The following CDH13 variants were observed in gnomAD, a reference collection of about 807,000 sequenced individuals.
CDH13 encodes the protein cadherin 13, also known as cadherin-13.
A neutral mutation model predicts 63.8 loss-of-function variants in CDH13; 24 were observed. The ratio of observed to expected loss-of-function variants is 0.38; its 90% CI spans 0.27 to 0.53. The LOEUF is 0.53. Ranked by LOEUF, CDH13 falls within the 20% of genes least tolerant of loss-of-function variation. CDH13 has a pLI of 0.85. For synonymous variants in CDH13, 503 were observed against 355.3 expected, an observed-to-expected ratio of 1.42 and a Z score of -4.67; for missense variants, 1,049 against 903.1, an observed-to-expected ratio of 1.16 and a Z score of -2.07.
chr16:83,174,228 T>C (rs547330695), intron 4 of CDH13, among the ~76,000 whole-genome samples: 1 of 152,044 alleles, frequency 6.6e-6, no homozygotes, highest in African/African-American at 2.4e-5. Context: ...ATTGAACATA[T>C]CTTGAACCCT....
intron 5 of CDH13, among the ~76,000 whole-genome samples, chr16:83,314,770 A>G (rs2090072464): frequency 6.6e-6 from 1 of 152,184 alleles, no homozygotes; most frequent in Non-Finnish European, 1.5e-5. Context: ...TTACATGTTG[A>G]CTTTACATTC....
At chr16:83,169,913 C>T (rs1431464863) in intron 4 of CDH13, among the ~76,000 whole-genome samples, 1 of 152,090 alleles carries the variant, frequency 6.6e-6, no homozygotes, top group African/African-American at 2.4e-5. Flanking sequence ...GCTTCATATT[C>T]ACATCTGATT....
chr16:83,460,411 GCA>G (rs533413300), intron 6 of CDH13, among the ~76,000 whole-genome samples: 4 of 152,288 alleles, frequency 2.6e-5, no homozygotes, highest in Admixed American at 2.6e-4. Context: ...ATGCCCCTGG[GCA>G]CAGAGACAAG....
intron 6 of CDH13, among the ~76,000 whole-genome samples, chr16:83,413,615 A>T (rs1456983612): frequency 6.6e-6 from 1 of 152,186 alleles, no homozygotes; most frequent in Non-Finnish European, 1.5e-5. Context: ...ATAGTGTCCT[A>T]ATCATGCAGC....
chr16:82,748,950 G>C (rs1402413628), intron 1 of CDH13, among the ~76,000 whole-genome samples: 4 of 152,182 alleles, frequency 2.6e-5, no homozygotes, highest in African/African-American at 9.7e-5. Context: ...CTCAGCGATT[G>C]ATCTAGACAC....
chr16:82,694,702 T>G (rs1001622849), intron 1 of CDH13, among the ~76,000 whole-genome samples: 18 of 152,310 alleles, frequency 1.2e-4, no homozygotes, highest in African/African-American at 3.6e-4. Context: ...AAGGACCTAC[T>G]GAATGAATGA....
chr16:83,629,680 C>T (rs1256650835), intron 8 of CDH13, among the ~76,000 whole-genome samples: 1 of 152,178 alleles, frequency 6.6e-6, no homozygotes. Context: ...GGGACATAAA[C>T]GAGAAGTCTA....
chr16:82,676,865 C>G (rs1347044103), intron 1 of CDH13, among the ~76,000 whole-genome samples: 1 of 103,366 alleles, frequency 9.7e-6, no homozygotes, highest in Non-Finnish European at 2.3e-5. Flanking sequence ...TTTTGGGTTT[C>G]TTTGTTTTTT....
intron 3 of CDH13, among the ~76,000 whole-genome samples, chr16:83,095,614 G>A (rs11647458): frequency 0.49 from 74,303 of 152,034 alleles, 18,428 homozygotes; most frequent in East Asian, 0.7. Flanking sequence ...AGAACACCTC[G>A]CCAAAATCCT....
rs375937899 is a variant in CDH13 at position 82,878,093 on chromosome 16, G to T, written c.157+19620G>T. Among the ~76,000 whole-genome samples, 7 of 152,178 alleles carry T rather than the reference G, an allele frequency of 4.6e-5. No homozygotes were observed. In the South Asian group the frequency reaches 1.5e-3, roughly 32 times the overall value. ...AATGTCTTCCCATATCATAATGGCT[G>T]TGGAATCAGCCTCAGAAGCCAGATT... On this transcript the variant is annotated intron_variant, in intron 2 of 13. Transcript: ENST00000567109.
intron 10 of CDH13, among the ~76,000 whole-genome samples, chr16:83,717,400 TCTGTCTGAA>T (rs575166557): frequency 1.9e-3 from 283 of 152,354 alleles, no homozygotes; most frequent in African/African-American, 6.5e-3. Context: ...CTGAACTGAA[TCTGTCTGAA>T]CTGCCTGGTT....
At chr16:83,782,827 C>T (rs1044416560) in intron 12 of CDH13, among the ~76,000 whole-genome samples, 2 of 151,934 alleles carry the variant, frequency 1.3e-5, no homozygotes, top group African/African-American at 4.8e-5. Context: ...ACATTGAGAG[C>T]AGGTGGATTT....
At chr16:83,327,573 C>T (rs546757497) in intron 5 of CDH13, among the ~76,000 whole-genome samples, 3 of 152,240 alleles carry the variant, frequency 2.0e-5, no homozygotes, top group African/African-American at 4.8e-5. Context: ...AATTCCTAGT[C>T]GTTGAGAGCT....
chr16:83,604,581 T>G (rs1908151843), intron 8 of CDH13, among the ~76,000 whole-genome samples: 1 of 152,200 alleles, frequency 6.6e-6, no homozygotes. Flanking sequence ...TCTGTGGGGT[T>G]TCTCATTCTT....
intron 1 of CDH13, among the ~76,000 whole-genome samples, chr16:82,633,084 C>T (rs1228895795): frequency 6.6e-6 from 1 of 152,162 alleles, no homozygotes; most frequent in Non-Finnish European, 1.5e-5. Flanking sequence ...TGCTCACGGG[C>T]CACTCACCTC....
At chr16:83,529,751 A>G (rs898001731) in intron 7 of CDH13, among the ~76,000 whole-genome samples, 5 of 152,232 alleles carry the variant, frequency 3.3e-5, no homozygotes, top group African/African-American at 1.2e-4. Context: ...AAACGACCAC[A>G]TAAAAGAAAA....
At chr16:83,378,342 C>T (rs936507088) in intron 6 of CDH13, among the ~76,000 whole-genome samples, 1 of 152,192 alleles carries the variant, frequency 6.6e-6, no homozygotes, top group African/African-American at 2.4e-5. Context: ...GCCTCCTGTT[C>T]AGCGGAGAGG....
At chr16:83,248,567 C>A (rs1004860168) in intron 5 of CDH13, among the ~76,000 whole-genome samples, 2 of 152,146 alleles carry the variant, frequency 1.3e-5, no homozygotes, top group Admixed American at 6.5e-5. Context: ...TAGTACATCT[C>A]TTTTCTCTTG....
chr16:83,228,070 C>G (rs375055550), intron 5 of CDH13, among the ~76,000 whole-genome samples: 16 of 152,086 alleles, frequency 1.1e-4, no homozygotes, highest in Admixed American at 2.0e-4. Context: ...TGGGAGGGGC[C>G]GTGAGAAGGG....
Sources: allele counts gnomAD v4.1 joint callset (sites outside exome capture counted in the v4.1 genomes callset), GRCh38; gene constraint gnomAD v4.1.1; transcripts MANE v1.5; gene names NCBI Gene and HGNC (gene_info 2026-07-23, HGNC 2026-07-21).